The following DAB1 variants were observed in gnomAD, a reference collection of about 807,000 sequenced individuals.
DAB1 encodes DAB adaptor protein 1.
A neutral mutation model predicts 64.6 loss-of-function variants in DAB1; 15 were observed. That is an observed-to-expected ratio of 0.23 (90% CI 0.16 to 0.36). The LOEUF is 0.36. Ranked by LOEUF, DAB1 falls within the 10% of genes least tolerant of loss-of-function variation. DAB1 has a pLI of 1.00. For missense variants in DAB1, 596 were observed against 706.7 expected, an observed-to-expected ratio of 0.84 and a Z score of 1.78; for synonymous variants, 235 against 251.9, an observed-to-expected ratio of 0.93 and a Z score of 0.64.
chr1:57,091,658 G>A (rs1653691459), intron 4 of DAB1, among the ~76,000 whole-genome samples: 1 of 152,134 alleles, frequency 6.6e-6, no homozygotes, highest in Admixed American at 6.5e-5. Flanking sequence ...GACTGCCTGG[G>A]GGCCCTGCCA....
intron 4 of DAB1, among the ~76,000 whole-genome samples, chr1:58,340,250 G>A (rs752177224): frequency 1.3e-4 from 20 of 152,062 alleles, no homozygotes; most frequent in Admixed American, 5.9e-4. Context: ...ACCCACTCAC[G>A]AAGTCTTTCT....
chr1:57,605,176 T>G (rs1645621610), intron 7 of DAB1, among the ~76,000 whole-genome samples: 1 of 152,210 alleles, frequency 6.6e-6, no homozygotes, highest in Non-Finnish European at 1.5e-5. Flanking sequence ...TTTCCTACTG[T>G]CTTTCCATGC....
intron 1 of DAB1, among the ~76,000 whole-genome samples, chr1:57,369,755 C>A (rs889220401): frequency 2.0e-4 from 31 of 152,160 alleles, no homozygotes; most frequent in Non-Finnish European, 1.2e-4. Context: ...ATGTGAAGGT[C>A]ATGTTAATAT....
intron 6 of DAB1, among the ~76,000 whole-genome samples, chr1:57,755,623 A>C (rs1009797659): frequency 2.0e-5 from 3 of 152,222 alleles, no homozygotes; most frequent in Admixed American, 1.3e-4. Context: ...CTAACAATGC[A>C]CCAGAGTGAC....
At chr1:57,814,460 C>T (rs1269563599) in intron 6 of DAB1, among the ~76,000 whole-genome samples, 1 of 152,170 alleles carries the variant, frequency 6.6e-6, no homozygotes, top group East Asian at 1.9e-4. Context: ...TCATTTGCCA[C>T]TCTCTCAGGG....
intron 1 of DAB1, among the ~76,000 whole-genome samples, chr1:57,314,798 G>C (rs747515037): frequency 6.6e-6 from 1 of 151,312 alleles, no homozygotes; most frequent in African/African-American, 2.4e-5. Flanking sequence ...AGAAAGGGAT[G>C]AACAGATGGA....
At chr1:57,353,114 T>TAC (rs10572319) in intron 1 of DAB1, among the ~76,000 whole-genome samples, 37,653 of 145,410 alleles carry the variant, frequency 0.26, 4,983 homozygotes, top group Non-Finnish European at 0.31. Flanking sequence ...TTTTTTTCCA[T>TAC]ACACACACAC....
intron 5 of DAB1, among the ~76,000 whole-genome samples, chr1:57,956,629 A>T (rs911666873): frequency 6.6e-6 from 1 of 152,168 alleles, no homozygotes; most frequent in African/African-American, 2.4e-5. Context: ...TGATAACGAG[A>T]TTGCCACCTA....
At chr1:57,424,218 C>T (rs1685165933), upstream of DAB1, among the ~76,000 whole-genome samples, 1 of 150,386 alleles carries the variant, frequency 6.6e-6, no homozygotes, top group African/African-American at 2.4e-5. Flanking sequence ...GCCGCCGCCG[C>T]CGGGCCGTGA....
chr1:57,041,992 G>T (rs1051910547), intron 9 of DAB1, among the ~76,000 whole-genome samples: 4 of 152,102 alleles, frequency 2.6e-5, no homozygotes, highest in African/African-American at 9.7e-5. Context: ...CTCCACCATG[G>T]TTCCTCTCAC....
At position 57,170,599 on chromosome 1, in the gene DAB1, G is replaced by A. The variant is rs533005837; in HGVS notation, c.68-25170C>T. On this transcript the variant is annotated intron_variant, in intron 2 of 14. Transcript: ENST00000371236. ...CAGGGAGGTGCAGGGGCTTTGAGAA[G>A]GTTTCCCAGCTAGAAGCTTGGCAGG... 2.6e-5 allele frequency among the ~76,000 whole-genome samples: 4 copies of A among 152,222 alleles called. No homozygotes were observed. In the South Asian group the frequency reaches 6.2e-4, roughly 24 times the overall value.
intron 6 of DAB1, among the ~76,000 whole-genome samples, chr1:57,685,808 C>T (rs546715138): frequency 6.6e-6 from 1 of 152,114 alleles, no homozygotes; most frequent in African/African-American, 2.4e-5. Flanking sequence ...TCTTGAATAA[C>T]TCCTGGATGA....
chr1:57,812,658 T>C (rs1194493587), intron 6 of DAB1, among the ~76,000 whole-genome samples: 1 of 152,238 alleles, frequency 6.6e-6, no homozygotes, highest in East Asian at 1.9e-4. Flanking sequence ...AAGTGTGTTT[T>C]TTCTCATTCA....
chr1:58,401,593 T>G lies in DAB1; in HGVS notation n.258-58190A>C, dbSNP rs570083201. 6.6e-5 allele frequency among the ~76,000 whole-genome samples: 10 copies of G among 152,372 alleles called. 1 individual carries two copies. The South Asian group carries it at 8.3e-4, about 13-fold the overall frequency. ...GTTTTTCTCCAGCAGAATGTAATCTTTGAGAAGGCGTGGACTTTTATTTCT... is the reference window on the plus strand; with the variant it reads ...GTTTTTCTCCAGCAGAATGTAATCTGTGAGAAGGCGTGGACTTTTATTTCT... On this transcript the variant is annotated intron_variant and non_coding_transcript_variant, in intron 3 of 20. Transcript: ENST00000485760.
intron 4 of DAB1, among the ~76,000 whole-genome samples, chr1:58,302,311 A>G (rs1662190867): frequency 6.6e-6 from 1 of 152,110 alleles, no homozygotes; most frequent in South Asian, 2.1e-4. Context: ...TTAAATGTCA[A>G]TGAGGGACAC....
chr1:57,696,919 C>G (rs1465719162), intron 6 of DAB1, among the ~76,000 whole-genome samples: 1 of 152,060 alleles, frequency 6.6e-6, no homozygotes, highest in African/African-American at 2.4e-5. Context: ...CTTTATAATT[C>G]TTACAAATTT....
At chr1:58,361,311 C>T (rs943361733) in intron 3 of DAB1, among the ~76,000 whole-genome samples, 2 of 152,216 alleles carry the variant, frequency 1.3e-5, no homozygotes, top group Non-Finnish European at 2.9e-5. Flanking sequence ...CCCCAACAAA[C>T]GAGGTCTGGG....
chr1:58,072,057 T>G (rs529907488), intron 5 of DAB1, among the ~76,000 whole-genome samples: 45 of 100,680 alleles, frequency 4.5e-4, no homozygotes, highest in African/African-American at 1.8e-3. Context: ...TAAAGCAGGA[T>G]AGGGGATAGC....
chr1:57,561,577 G>A (rs1359333390), intron 7 of DAB1, among the ~76,000 whole-genome samples: 1 of 152,190 alleles, frequency 6.6e-6, no homozygotes, highest in Non-Finnish European at 1.5e-5. Context: ...TCACCAACAG[G>A]TGACCTCAGC....
Sources: gnomAD v4.1 joint callset for allele counts (sites outside exome capture counted in the v4.1 genomes callset) on GRCh38, gnomAD v4.1.1 for gene constraint, MANE v1.5 for transcripts, NCBI Gene and HGNC (gene_info 2026-07-23, HGNC 2026-07-21) for gene names.